Variants in AAMDC observed in about 807,000 individuals in gnomAD.
The protein encoded by AAMDC is mth938 domain-containing protein.
Under a neutral mutation model 15.5 loss-of-function variants are expected in AAMDC, and 16 were observed. That is an observed-to-expected ratio of 1.03 (90% confidence interval 0.70 to 1.57). AAMDC has a LOEUF of 1.57. Ranked by LOEUF, AAMDC falls within the 40% of genes most tolerant of loss-of-function variation. The pLI, the probability that AAMDC is intolerant of heterozygous loss-of-function variation, is 0.00. For synonymous variants in AAMDC, 51 were observed against 51.6 expected, an observed-to-expected ratio of 0.99 and a Z score of 0.05; for missense variants, 141 against 144.9, an observed-to-expected ratio of 0.97 and a Z score of 0.14.
At chr11:77,886,316 A>G (rs779088148) in intron 5 of AAMDC, among the ~76,000 whole-genome samples, 5 of 152,194 alleles carry the variant, frequency 3.3e-5, no homozygotes, top group Admixed American at 3.3e-4. Context: ...GTCTACTCCA[A>G]AAGTGGAGCT....
chr11:77,891,538 T>C (rs556448460), intron 5 of AAMDC: 1 of 1,582,952 alleles, frequency 6.3e-7, no homozygotes, highest in African/African-American at 1.3e-5. Flanking sequence ...TTTTTCTGTC[T>C]CCTTATCTAA....
rs1021994576 is a variant in AAMDC at position 77,853,075 on chromosome 11, A to C, written c.132+10447A>C. ...ATTTTTAGAACTGAGATTGTGCTTA[A>C]AGAGTAAATGTAAATGTAGATTTGT... On this transcript the variant is annotated intron_variant, in intron 2 of 3. Transcript: ENST00000393427. 1.9e-4 allele frequency among the ~76,000 whole-genome samples: 29 copies of C among 152,230 alleles called. 1 individual carries two copies. The highest frequency in any genetic ancestry group is 7.3e-5 in the Non-Finnish European group (5 of 68,042).
intron 1 of AAMDC, among the ~76,000 whole-genome samples, chr11:77,823,116 G>A (rs897266086): frequency 6.7e-6 from 1 of 150,086 alleles, no homozygotes; most frequent in African/African-American, 2.5e-5. Context: ...TCGGGAGGCT[G>A]AGGCAGGAGA....
chr11:77,869,689 A>T, intron 2 of AAMDC, 33 bp from the exon 3 acceptor site: 1 of 1,586,652 alleles, frequency 6.3e-7, no homozygotes. Context: ...GATTGAGAGC[A>T]GGTACCTGTC....
intron 5 of AAMDC, among the ~76,000 whole-genome samples, chr11:77,877,714 C>T (rs1019358627): frequency 4.6e-5 from 7 of 152,098 alleles, no homozygotes; most frequent in African/African-American, 1.7e-4. Flanking sequence ...AAAGGTTAAC[C>T]TCTCTGGAGC....
intron 5 of AAMDC, among the ~76,000 whole-genome samples, chr11:77,877,555 A>T (rs1951632899): frequency 6.6e-6 from 1 of 152,130 alleles, no homozygotes; most frequent in Non-Finnish European, 1.5e-5. Flanking sequence ...TTTTTCCCAT[A>T]TACTTCCCCT....
chr11:77,823,567 T>G (rs555375951), intron 1 of AAMDC, among the ~76,000 whole-genome samples: 155 of 124,722 alleles, frequency 1.2e-3, no homozygotes, highest in Non-Finnish European at 2.1e-3. Context: ...TCATCTGTAA[T>G]CCCATGTAGT....
At chr11:77,835,857 G>A (rs563105080) in intron 1 of AAMDC, among the ~76,000 whole-genome samples, 9 of 152,084 alleles carry the variant, frequency 5.9e-5, no homozygotes, top group Middle Eastern at 3.4e-3. Flanking sequence ...GCAGTGAGCC[G>A]AGATCATGCC....
At chr11:77,901,798 A>G (rs1952786062), downstream of AAMDC, among the ~76,000 whole-genome samples, 1 of 151,924 alleles carries the variant, frequency 6.6e-6, no homozygotes, top group Non-Finnish European at 1.5e-5. Flanking sequence ...AAGATAAGAA[A>G]GTTTAATCAC....
At chr11:77,895,988 G>A (rs561352009) in intron 5 of AAMDC, among the ~76,000 whole-genome samples, 112 of 152,300 alleles carry the variant, frequency 7.4e-4, no homozygotes, top group African/African-American at 2.6e-3. Flanking sequence ...TTCATTGTAA[G>A]TAGGCAAAGA....
At chr11:77,854,546 C>A (rs1479998822) in intron 2 of AAMDC, among the ~76,000 whole-genome samples, 1 of 152,192 alleles carries the variant, frequency 6.6e-6, no homozygotes, top group Non-Finnish European at 1.5e-5. Flanking sequence ...CTTAAAACTC[C>A]AAAATAATAT....
chr11:77,875,439 A>C (rs1951569727), downstream of AAMDC, among the ~76,000 whole-genome samples: 1 of 152,210 alleles, frequency 6.6e-6, no homozygotes, highest in Non-Finnish European at 1.5e-5. Flanking sequence ...CTTTCATGAA[A>C]ATGAAGATTT....
rs12274458 is a variant in AAMDC at position 77,892,651 on chromosome 11, C to T, written c.329-7920C>T. 2.4e-3 allele frequency among the ~76,000 whole-genome samples: 370 copies of T among 152,144 alleles called. 2 individuals carry two copies. Among genetic ancestry groups the T allele is most frequent in the African/African-American group, 8.7e-3 (362 of 41,494 alleles). On this transcript the variant is annotated intron_variant, in intron 5 of 5. Transcript: ENST00000304716. Reference sequence around the variant, plus strand: ...GGGCTGGTGTGCAATGGCGTGATCTCGGCTCACTGGAACCTCCGCCTCCCG... The same window carrying T: ...GGGCTGGTGTGCAATGGCGTGATCTTGGCTCACTGGAACCTCCGCCTCCCG...
chr11:77,903,892 C>T (rs1203955783), downstream of AAMDC, among the ~76,000 whole-genome samples: 1 of 152,160 alleles, frequency 6.6e-6, no homozygotes, highest in South Asian at 2.1e-4. Flanking sequence ...ACAGGAACCA[C>T]GAAAGCTTCA....
chr11:77,896,297 G>A (rs1292596736), intron 5 of AAMDC, among the ~76,000 whole-genome samples: 2 of 152,126 alleles, frequency 1.3e-5, no homozygotes, highest in African/African-American at 4.8e-5. Context: ...AAACTCAACG[G>A]TTCAGAACAG....
intron 2 of AAMDC, among the ~76,000 whole-genome samples, chr11:77,866,203 A>G (rs2136281211): frequency 6.6e-6 from 1 of 152,340 alleles, no homozygotes; most frequent in Non-Finnish European, 1.5e-5. Flanking sequence ...GACAGACAGG[A>G]TGCCATCTTG....
intron 5 of AAMDC, among the ~76,000 whole-genome samples, chr11:77,892,174 C>A (rs1365516960): frequency 1.3e-5 from 2 of 152,116 alleles, no homozygotes; most frequent in Non-Finnish European, 2.9e-5. Flanking sequence ...ATTTTTAAGA[C>A]CTACGAAGCG....
intron 2 of AAMDC, among the ~76,000 whole-genome samples, chr11:77,853,632 T>C (rs1950490281): frequency 6.6e-6 from 1 of 152,180 alleles, no homozygotes; most frequent in African/African-American, 2.4e-5. Flanking sequence ...CCAAATCTCA[T>C]GTCCTTCTCA....
chr11:77,852,586 A>T (rs1950443251), intron 2 of AAMDC, among the ~76,000 whole-genome samples: 1 of 152,104 alleles, frequency 6.6e-6, no homozygotes, highest in Non-Finnish European at 1.5e-5. Flanking sequence ...CAGGGACACA[A>T]ATCCAAACCA....
Sources: gnomAD v4.1 joint callset for allele counts (sites outside exome capture counted in the v4.1 genomes callset) on GRCh38, gnomAD v4.1.1 for gene constraint, MANE v1.5 for transcripts, NCBI Gene and HGNC (gene_info 2026-07-23, HGNC 2026-07-21) for gene names.